The following JAG1 variants were observed in gnomAD, a reference collection of about 807,000 sequenced individuals.
The protein encoded by JAG1 is jagged canonical Notch ligand 1.
JAG1 carries 23 observed loss-of-function variants against 148.7 expected under a neutral mutation model. That is an observed-to-expected ratio of 0.15 (90% CI 0.11 to 0.22). The LOEUF (loss-of-function observed/expected upper bound fraction) is 0.22. Among genes scored for constraint, JAG1 ranks in the 10% least tolerant of loss-of-function variants. The probability of loss-of-function intolerance (pLI) is 1.00; values close to 1 mark genes in which losing one functional copy is unlikely to be tolerated. For synonymous variants in JAG1, 572 were observed against 598.3 expected, an observed-to-expected ratio of 0.96 and a Z score of 0.64; for missense variants, 1,054 against 1,611.2, an observed-to-expected ratio of 0.65 and a Z score of 5.92.
intron 20 of JAG1, 40 bp downstream of exon 20, chr20:10,643,738 G>T: frequency 6.7e-7 from 1 of 1,500,130 alleles, no homozygotes; most frequent in Non-Finnish European, 9.3e-7. Flanking sequence ...GGAATGAAGC[G>T]GTAAAGCCAT....
rs1049841933 is a variant in JAG1, at chr20:10,673,652, C to G, written c.-122G>C. On this transcript the variant is annotated 5_prime_UTR_variant, in exon 1 of 26. Transcript: ENST00000254958. The surrounding 1 kb of genome is among the most constrained non-coding windows in gnomAD (Gnocchi z 4.7). ...CGCGTCCCGGCTCTAATATACTCCG[C>G]CGATTGGAGCATGCACGACTGGAAA... is the stretch of plus-strand genomic sequence containing the variant. 1.2e-5 allele frequency: 4 copies of G among 338,486 alleles called. No individual in the cohort carries two copies. The highest frequency in any genetic ancestry group is 2.0e-5 in the Non-Finnish European group (4 of 201,028). The allele number at this position is 338,486 out of a possible 1,614,324, so 21.0% of individuals were successfully genotyped here. A position where few individuals can be genotyped will look rare whatever the true frequency, so the allele number is the denominator to read the frequency against.
At chr20:10,663,143 G>C (rs777667315) in intron 3 of JAG1, among the ~76,000 whole-genome samples, 1 of 152,168 alleles carries the variant, frequency 6.6e-6, no homozygotes. Flanking sequence ...AGAGAACAGA[G>C]AGCCAAGACA....
Position 10,639,425 on chromosome 20 carries a change from C to G in JAG1, c.*73G>C, listed in dbSNP as rs755345769. On this transcript the variant is annotated 3_prime_UTR_variant, in exon 26 of 26. Transcript: ENST00000254958. ...TCTAAGTCAGCAACGGCCTCAGACTCGAGTATGACACGACAGTTTAAAGAA... is the reference window on the plus strand; with the variant it reads ...TCTAAGTCAGCAACGGCCTCAGACTGGAGTATGACACGACAGTTTAAAGAA... 13 of 1,352,214 alleles carry G rather than the reference C, an allele frequency of 9.6e-6. No homozygotes were observed. In the Admixed American group the frequency reaches 1.3e-4, roughly 14 times the overall value. The allele number at this position is 1,352,214 out of a possible 1,614,324, so 83.8% of individuals were successfully genotyped here.
chr20:10,639,813 G>A lies in JAG1; in HGVS notation c.3342C>T (p.Asn1114=), dbSNP rs759853433. The A allele has an allele frequency of 2.0e-5, 32 of 1,614,090 alleles. No homozygotes were observed. In the South Asian group the frequency reaches 2.2e-4, roughly 11 times the overall value. The stretch of plus-strand genomic sequence containing the variant: ...TGATCTGGTTCAGCTGCTCCCGCAC[G>A]TTGTTGGTGGTGTTGTCCTCAGAGG... The part of the protein sequence containing the change: ...HSASEDNTTN[N]VREQLNQIKN... Residue 1114 remains asparagine, a synonymous_variant, in exon 26 of 26, where the codon AAC becomes AAT. Transcript: ENST00000254958.
In JAG1 at chr20:10,651,621, A is replaced by G; in HGVS notation, c.1080T>C (p.Cys360=). 1 of 1,614,044 alleles carries G rather than the reference A, an allele frequency of 6.2e-7. No individual in the cohort carries two copies. Among genetic ancestry groups the G allele is most frequent in the Non-Finnish European group, 8.5e-7 (1 of 1,179,902 alleles). ...SCKETSLGFE[C]ECSPGWTGPT... ...GGCCGGTCCAGCCTGGGGAACACTCACACTCAAAGCCCAGGGAGGTCTCCT... is the reference window on the plus strand; with the variant it reads ...GGCCGGTCCAGCCTGGGGAACACTCGCACTCAAAGCCCAGGGAGGTCTCCT... Residue 360 remains cysteine (C), a synonymous_variant, in exon 8 of 26, where the codon TGT becomes TGC. Coordinates refer to ENST00000254958, the MANE Select transcript of JAG1 (RefSeq NM_000214.3).
At chr20:10,646,642 A>G (rs1383327710) in intron 14 of JAG1, among the ~76,000 whole-genome samples, 1 of 151,690 alleles carries the variant, frequency 6.6e-6, no homozygotes, top group East Asian at 1.9e-4. Context: ...GGGAAACCCC[A>G]TCTCTACTAA....
chr20:10,640,575 T>G (rs995479660), intron 25 of JAG1, among the ~76,000 whole-genome samples: 11 of 152,188 alleles, frequency 7.2e-5, no homozygotes, highest in African/African-American at 2.7e-4. Context: ...CGTTGCATAG[T>G]GTGTTGGGAA....
intron 3 of JAG1, among the ~76,000 whole-genome samples, chr20:10,659,587 T>TTA (rs34261661): frequency 2.6e-5 from 3 of 117,376 alleles, no homozygotes; most frequent in South Asian, 2.8e-4. Context: ...TTTTTTTTTT[T>TTA]ACAATTGTTA....
Position 10,673,273 on chromosome 20 carries a change from G to T in JAG1, c.81+177C>A, listed in dbSNP as rs553311195. Reference sequence around the variant, plus strand: ...CGGCCTGGAGGGGTCACCCTCAGGAGGCAGGGGCTCCCGTGGGGGAGTTGG... The same window carrying T: ...CGGCCTGGAGGGGTCACCCTCAGGATGCAGGGGCTCCCGTGGGGGAGTTGG... On this transcript the variant is annotated intron_variant, in intron 1 of 25. Transcript: ENST00000254958. This position sits in a 1 kb window ranked among gnomAD's most constrained non-coding sequence, Gnocchi z 4.7. 6.6e-6 allele frequency among the ~76,000 whole-genome samples: 1 copy of T among 152,312 alleles called. No homozygotes were observed. Among genetic ancestry groups the T allele is most frequent in the South Asian group, 2.1e-4 (1 of 4,832 alleles).
chr20:10,648,214 C>T lies in JAG1; in HGVS notation c.1570-104G>A, dbSNP rs1026806126. 8.6e-5 allele frequency: 118 copies of T among 1,366,074 alleles called. 1 individual carries two copies. In the South Asian group the frequency reaches 1.0e-3, roughly 12 times the overall value. The allele number at this position is 1,366,074 out of a possible 1,614,324, so 84.6% of individuals were successfully genotyped here. A position where few individuals can be genotyped will look rare whatever the true frequency, so the allele number is the denominator to read the frequency against. The stretch of plus-strand genomic sequence containing the variant: ...AGGCACTGGAATCTGACAGTTCCTT[C>T]GGTTTCTATTAGGAGACACCCTGTA... On this transcript the variant is annotated intron_variant, in intron 12 of 25. Coordinates refer to ENST00000254958, the MANE Select transcript of JAG1 (RefSeq NM_000214.3).
intron 8 of JAG1, 172 bp downstream of exon 8, chr20:10,651,409 T>A: frequency 7.0e-6 from 4 of 573,710 alleles, no homozygotes; most frequent in South Asian, 2.2e-5. Flanking sequence ...AGGATGGGGG[T>A]GCTGGGAGAC....
At chr20:10,667,150 A>C (rs1011429041) in intron 2 of JAG1, among the ~76,000 whole-genome samples, 1 of 152,242 alleles carries the variant, frequency 6.6e-6, no homozygotes. Context: ...CCTCCTGCCA[A>C]GCTGACGGAC....
intron 4 of JAG1, among the ~76,000 whole-genome samples, chr20:10,657,567 T>C (rs928247353): frequency 6.6e-6 from 1 of 151,998 alleles, no homozygotes; most frequent in Non-Finnish European, 1.5e-5. Context: ...TCTCTCATGG[T>C]TGAAAAACTC....
intron 18 of JAG1, 48 bp from the exon 19 acceptor site, chr20:10,644,432 G>A (rs370955915): frequency 3.7e-5 from 56 of 1,511,322 alleles, no homozygotes; most frequent in Middle Eastern, 3.4e-4. Flanking sequence ...CAGGGAAAGC[G>A]GTCTTAGCCC....
At chr20:10,652,048 TAAAC>T (rs1434971003) in intron 7 of JAG1, 79 bp downstream of exon 7, 4 of 1,496,264 alleles carry the variant, frequency 2.7e-6, no homozygotes, top group Non-Finnish European at 3.7e-6. Context: ...TTTTTTTCCT[TAAAC>T]AAGTCCTTAA....
chr20:10,658,848 G>T (rs1436645177), intron 3 of JAG1, 126 bp from the exon 4 acceptor site: 19 of 1,069,532 alleles, frequency 1.8e-5, no homozygotes, highest in Admixed American at 6.1e-5. Context: ...AAAAGGCAAA[G>T]AAATGAAAAG....
In JAG1 at chr20:10,639,769, T is replaced by C. The variant is rs749152846; in HGVS notation, c.3386A>G (p.His1129Arg). Residue 1129 changes from histidine to arginine, a missense_variant, in exon 26 of 26, where the codon CAT (histidine) becomes CGT (arginine). This residue lies in a region of JAG1 where 177 missense variants were observed against 177.3 expected (regional missense o/e 1.00). Coordinates refer to ENST00000254958, the MANE Select transcript of JAG1 (RefSeq NM_000214.3). ...LNQIKNPIEK[H>R]GANTVPIKDY... ...CTTGATGGGGACCGTGTTGGCCCCA[T>C]GTTTCTCAATGGGGTTTTTGATCTG... The C allele has an allele frequency of 1.2e-6, 2 of 1,614,072 alleles. No individual in the cohort carries two copies. Among genetic ancestry groups the C allele is most frequent in the African/African-American group, 1.3e-5 (1 of 74,918 alleles).
At chr20:10,651,239 T>C (rs1484734228) in intron 8 of JAG1, 1 of 266,964 alleles carries the variant, frequency 3.7e-6, no homozygotes, top group East Asian at 8.1e-5. Flanking sequence ...CAGAATCCAG[T>C]AGTAAGTGAC....
At chr20:10,656,513 C>CG (rs1444475722) in intron 4 of JAG1, 55 bp from the exon 5 acceptor site, 2 of 1,472,138 alleles carry the variant, frequency 1.4e-6, no homozygotes, top group Non-Finnish European at 1.9e-6. Context: ...TGCATCGCCC[C>CG]GGTCATGAGA....
Sources: allele counts gnomAD v4.1 joint callset (sites outside exome capture counted in the v4.1 genomes callset), GRCh38; gene constraint gnomAD v4.1.1; regional missense constraint gnomAD v4.1.1; non-coding constraint Gnocchi (gnomAD v3.1); transcripts MANE v1.5; gene names NCBI Gene and HGNC (gene_info 2026-07-23, HGNC 2026-07-21).